The following AP1M1 variants were observed in gnomAD, a reference collection of about 807,000 sequenced individuals.
AP1M1 encodes the protein AP-1 complex subunit mu-1.
AP1M1 carries 18 observed loss-of-function variants against 57.1 expected under a neutral mutation model. That is an observed-to-expected ratio of 0.32 (90% CI 0.22 to 0.47). AP1M1 has a LOEUF of 0.47. AP1M1 is among the 20% of genes least tolerant of loss of function. The pLI, the probability that AP1M1 is intolerant of heterozygous loss-of-function variation, is 1.00. For synonymous variants in AP1M1, 241 were observed against 237.9 expected (o/e 1.01, Z -0.12); for missense variants, 362 against 593.5 (o/e 0.61, Z 4.05).
chr19:16,236,302 T>C lies in AP1M1; in HGVS notation c.*1867T>C, dbSNP rs62116348. 3,630 of 152,244 alleles carry C rather than the reference T, an allele frequency of 0.024. 74 individuals carry two copies. The highest frequency in any genetic ancestry group is 0.035 in the Non-Finnish European group (2,380 of 68,068). 9.4% of individuals were successfully genotyped at this position (152,244 alleles called of 1,614,324 possible). A position where few individuals can be genotyped will look rare whatever the true frequency, so the allele number is the denominator to read the frequency against. ...AGAGACTTCAGTTTCCAGCAACTTA[T>C]CAGATAAGACCTGCAAACCCTCCAC... is the stretch of plus-strand genomic sequence containing the variant. On this transcript the variant is annotated 3_prime_UTR_variant, in exon 12 of 12. Transcript: ENST00000291439.
chr19:16,203,349 G>A lies in AP1M1; in HGVS notation c.43-110G>A. 8.9e-7 allele frequency: 1 copy of A among 1,117,686 alleles called. No individual in the cohort carries two copies. The highest frequency in any genetic ancestry group is 1.3e-6 in the Non-Finnish European group (1 of 758,978). The allele number at this position is 1,117,686 out of a possible 1,614,324, so 69.2% of individuals were successfully genotyped here. On this transcript the variant is annotated intron_variant, in intron 1 of 11. Coordinates refer to ENST00000291439, the MANE Select transcript of AP1M1 (RefSeq NM_032493.4). This position sits in a 1 kb window ranked among gnomAD's most constrained non-coding sequence, Gnocchi z 4.6. ...CTGCTCTTTTGCGGATAGTGGCCATGACCGGAGTCCCCAGAGCGAAGCAGG... is the reference window on the plus strand; with the variant it reads ...CTGCTCTTTTGCGGATAGTGGCCATAACCGGAGTCCCCAGAGCGAAGCAGG...
rs572304128 is a variant in AP1M1, at chr19:16,228,262, C to T, written c.888+54C>T. 536 of 1,578,546 alleles carry T rather than the reference C, an allele frequency of 3.4e-4. No homozygotes were observed. The highest frequency in any genetic ancestry group is 4.3e-4 in the Non-Finnish European group (497 of 1,154,480). ...GCCTTCTGGTGTCTCTGGCCCGTCC[C>T]AGGAGCCTAACCGAGGGCTGGGGGT... On this transcript the variant is annotated intron_variant, in intron 8 of 11. Transcript: ENST00000291439. The surrounding 1 kb of genome is among the most constrained non-coding windows in gnomAD (Gnocchi z 5.0).
Position 16,233,629 on chromosome 19 carries a change from C to T in AP1M1, c.1173+11C>T, listed in dbSNP as rs1238985196. ...ACCTCCGGCATCCAGGTACGTAAGG[C>T]CCAGGCGGCCGGGGCCCAGAACAGG... On this transcript the variant is annotated intron_variant, in intron 10 of 11. Transcript: ENST00000291439. 2 of 1,606,856 alleles carry T rather than the reference C, an allele frequency of 1.2e-6. No individual in the cohort carries two copies. The highest frequency in any genetic ancestry group is 1.7e-6 in the Non-Finnish European group (2 of 1,176,466).
intron 5 of AP1M1, among the ~76,000 whole-genome samples, chr19:16,222,998 C>A (rs285276): frequency 6.6e-6 from 1 of 152,112 alleles, no homozygotes; most frequent in Non-Finnish European, 1.5e-5. Context: ...GTTTTCCAGG[C>A]AAGTTGACAT....
rs117647142 is a variant in AP1M1 at position 16,203,488 on chromosome 19, C to T, written c.72C>T (p.Asp24=). The change falls in exon 2 of 12, where the codon GAC becomes GAT. Residue 24 remains aspartate (D), a synonymous_variant. Transcript: ENST00000291439. The surrounding 1 kb of genome is among the most constrained non-coding windows in gnomAD (Gnocchi z 4.6). ...KVLICRNYRG[D]VDMSEVEHFM... is the part of the protein sequence containing the mutation. ...TCATCTGCCGGAACTACCGTGGCGACGTGGACATGTCAGAGGTGGAGCACT... is the reference window on the plus strand; with the variant it reads ...TCATCTGCCGGAACTACCGTGGCGATGTGGACATGTCAGAGGTGGAGCACT... 46,493 of 1,614,112 alleles carry T rather than the reference C, an allele frequency of 0.029. 801 individuals are homozygous for T. The highest frequency in any genetic ancestry group is 0.035 in the Non-Finnish European group (41,618 of 1,179,988).
chr19:16,242,090 A>T lies in AP1M1; in HGVS notation c.*7655A>T, dbSNP rs1440233126. ...TGCTTTGGGAGGCTGAGGCTGAGAC[A>T]GGTGAATTGCTTGAGCCTAGGAGTT... On this transcript the variant is annotated 3_prime_UTR_variant, in exon 12 of 12. Coordinates refer to ENST00000291439, the MANE Select transcript of AP1M1 (RefSeq NM_032493.4). 1 of 152,256 alleles carries T rather than the reference A, an allele frequency of 6.6e-6. No homozygotes were observed. The highest frequency in any genetic ancestry group is 2.4e-5 in the African/African-American group (1 of 41,446). 9.4% of individuals were successfully genotyped at this position (152,256 alleles called of 1,614,324 possible). A position where few individuals can be genotyped will look rare whatever the true frequency, so the allele number is the denominator to read the frequency against.
In AP1M1 at chr19:16,198,016, C is replaced by T. The variant is rs1228418011; in HGVS notation, c.-11C>T. The T allele has an allele frequency of 6.3e-7, 1 of 1,590,370 alleles. No individual in the cohort carries two copies. The highest frequency in any genetic ancestry group is 1.4e-5 in the African/African-American group (1 of 72,610). ...CGCCCTCGGCCGCTGCCGAGGCCTC[C>T]TGCAGCCATCATGTCCGCCAGCGCC... On this transcript the variant is annotated 5_prime_UTR_variant, in exon 1 of 12. Transcript: ENST00000291439.
At chr19:16,199,471 C>G (rs972282397) in intron 1 of AP1M1, among the ~76,000 whole-genome samples, 1 of 152,216 alleles carries the variant, frequency 6.6e-6, no homozygotes, top group Non-Finnish European at 1.5e-5. Context: ...ACCGGTCCAA[C>G]AATGTGAAGC....
intron 5 of AP1M1, among the ~76,000 whole-genome samples, chr19:16,212,387 T>C (rs888333536): frequency 3.3e-4 from 51 of 152,342 alleles, no homozygotes; most frequent in African/African-American, 1.2e-3. Flanking sequence ...TTAGTGTGCA[T>C]AGAAGTGTTA....
At position 16,241,316 on chromosome 19, in the gene AP1M1, A is replaced by AAT; in HGVS notation, c.*6882_*6883insTA. ...CAAAGTGAGATTCTGTCTCAAAAAA[A>AAT]AAAAAAGACAAGATAAAAACAATTT... is the stretch of plus-strand genomic sequence containing the variant. On this transcript the variant is annotated 3_prime_UTR_variant, in exon 12 of 12. Coordinates refer to ENST00000291439, the MANE Select transcript of AP1M1 (RefSeq NM_032493.4). The AAT allele has an allele frequency of 6.6e-6, 1 of 151,990 alleles. No homozygotes were observed. Among genetic ancestry groups the AAT allele is most frequent in the South Asian group, 2.1e-4 (1 of 4,810 alleles). The allele number at this position is 151,990 out of a possible 1,614,324, so 9.4% of individuals were successfully genotyped here. A position where few individuals can be genotyped will look rare whatever the true frequency, so the allele number is the denominator to read the frequency against.
chr19:16,225,976 C>T (rs955332592), intron 5 of AP1M1, among the ~76,000 whole-genome samples: 27 of 152,142 alleles, frequency 1.8e-4, no homozygotes, highest in Admixed American at 4.6e-4. Flanking sequence ...CAGGTCCAGC[C>T]GAGCTCATGG....
intron 5 of AP1M1, among the ~76,000 whole-genome samples, chr19:16,224,507 T>TA (rs2091561683): frequency 6.6e-6 from 1 of 152,192 alleles, no homozygotes; most frequent in African/African-American, 2.4e-5. Flanking sequence ...GCCTGGTACT[T>TA]ACACAGCCGG....
rs1218074745 is a variant in AP1M1 at position 16,206,365 on chromosome 19, C to T, written c.224C>T (p.Ala75Val). 1.2e-6 allele frequency: 2 copies of T among 1,614,030 alleles called. No homozygotes were observed. The highest frequency in any genetic ancestry group is 1.3e-5 in the African/African-American group (1 of 74,928). Residue 75 changes from alanine (A) to valine (V), a missense_variant, in exon 3 of 12, where the codon GCG (alanine) becomes GTG (valine). By Grantham distance (64) the Ala-to-Val change is moderately conservative. Coordinates refer to ENST00000291439, the MANE Select transcript of AP1M1 (RefSeq NM_032493.4). This position sits in a 1 kb window ranked among gnomAD's most constrained non-coding sequence, Gnocchi z 4.3. ...LYLVATSKKN[A>V]CVSLVFSFLY... is the part of the protein sequence containing the mutation. ...GTGGTTGCCACATCCAAGAAGAACG[C>T]GTGCGTGTCGCTGGTCTTTTCTTTC...
At position 16,206,493 on chromosome 19, in the gene AP1M1, C is replaced by A; in HGVS notation, c.267+85C>A. The A allele has an allele frequency of 6.9e-7, 1 of 1,443,250 alleles. No homozygotes were observed. Among genetic ancestry groups the A allele is most frequent in the Non-Finnish European group, 9.7e-7 (1 of 1,030,640 alleles). The allele number at this position is 1,443,250 out of a possible 1,614,324, so 89.4% of individuals were successfully genotyped here. ...GACCTCCCCATACCTGGCCACCCTACAGAGAGCTGTGGCATCCCCAGGGAG... is the reference window on the plus strand; with the variant it reads ...GACCTCCCCATACCTGGCCACCCTAAAGAGAGCTGTGGCATCCCCAGGGAG... On this transcript the variant is annotated intron_variant, in intron 3 of 11. Transcript: ENST00000291439. The surrounding 1 kb of genome is among the most constrained non-coding windows in gnomAD (Gnocchi z 4.3).
rs1437705297 is a variant in AP1M1, at chr19:16,240,604, C to G, written c.*6169C>G. 6.6e-6 allele frequency: 1 copy of G among 151,990 alleles called. No homozygotes were observed. Among genetic ancestry groups the G allele is most frequent in the East Asian group, 1.9e-4 (1 of 5,182 alleles). 9.4% of individuals were successfully genotyped at this position (151,990 alleles called of 1,614,324 possible). A position where few individuals can be genotyped will look rare whatever the true frequency, so the allele number is the denominator to read the frequency against. ...AGCTGGGATTACAGGTGCACACCAC[C>G]ACGCCCGGCTAATTTTTGTATTTTT... is the stretch of plus-strand genomic sequence containing the variant. On this transcript the variant is annotated 3_prime_UTR_variant, in exon 12 of 12. Transcript: ENST00000291439.
At chr19:16,218,221 G>A (rs2091527081) in intron 5 of AP1M1, among the ~76,000 whole-genome samples, 1 of 152,240 alleles carries the variant, frequency 6.6e-6, no homozygotes, top group Non-Finnish European at 1.5e-5. Flanking sequence ...GCACATGGCT[G>A]CTTTAGTAAA....
At position 16,227,447 on chromosome 19, in the gene AP1M1, G is replaced by A; in HGVS notation, c.674-101G>A. Reference sequence around the variant, plus strand: ...CCAGGCTGCTCTCAGTGCGTGGACTGGGGGCCCTGCTCTGCCGGGGTGGGT... The same window carrying A: ...CCAGGCTGCTCTCAGTGCGTGGACTAGGGGCCCTGCTCTGCCGGGGTGGGT... On this transcript the variant is annotated intron_variant, in intron 6 of 11. Transcript: ENST00000291439. This position sits in a 1 kb window ranked among gnomAD's most constrained non-coding sequence, Gnocchi z 6.2. The A allele has an allele frequency of 7.2e-7, 1 of 1,384,672 alleles. No individual in the cohort carries two copies. The highest frequency in any genetic ancestry group is 1.0e-6 in the Non-Finnish European group (1 of 995,638). The allele number at this position is 1,384,672 out of a possible 1,614,324, so 85.8% of individuals were successfully genotyped here. A position where few individuals can be genotyped will look rare whatever the true frequency, so the allele number is the denominator to read the frequency against.
intron 9 of AP1M1, among the ~76,000 whole-genome samples, chr19:16,232,011 A>C (rs961514938): frequency 1.3e-5 from 2 of 152,230 alleles, no homozygotes; most frequent in Non-Finnish European, 2.9e-5. Context: ...CCTTGCGTCC[A>C]GGCCTTCTCC....
In AP1M1 at chr19:16,236,682, A is replaced by G. The variant is rs1036796200; in HGVS notation, c.*2247A>G. The G allele has an allele frequency of 1.3e-5, 2 of 152,228 alleles. No homozygotes were observed. Among genetic ancestry groups the G allele is most frequent in the Admixed American group, 6.5e-5 (1 of 15,272 alleles). 9.4% of individuals were successfully genotyped at this position (152,228 alleles called of 1,614,324 possible). A position where few individuals can be genotyped will look rare whatever the true frequency, so the allele number is the denominator to read the frequency against. On this transcript the variant is annotated 3_prime_UTR_variant, in exon 12 of 12. Coordinates refer to ENST00000291439, the MANE Select transcript of AP1M1 (RefSeq NM_032493.4). ...TCTGCCTGAGATCCACAGGAGAAAA[A>G]GTCACCACTCATTTAGACCCCACGC...
Sources: gnomAD v4.1 joint callset for allele counts (sites outside exome capture counted in the v4.1 genomes callset) on GRCh38, gnomAD v4.1.1 for gene constraint, Gnocchi (gnomAD v3.1) non-coding constraint, MANE v1.5 for transcripts, NCBI Gene and HGNC (gene_info 2026-07-23, HGNC 2026-07-21) for gene names.